The following EIF4EBP1 variants were observed in gnomAD, a reference collection of about 807,000 sequenced individuals.
EIF4EBP1 encodes eukaryotic translation initiation factor 4E binding protein 1, also known as eukaryotic translation initiation factor 4E-binding protein 1.
A neutral mutation model predicts 9.2 loss-of-function variants in EIF4EBP1; 5 were observed. The ratio of observed to expected loss-of-function variants is 0.54; its 90% CI spans 0.28 to 1.14. EIF4EBP1 has a LOEUF of 1.14. EIF4EBP1 is among the 50% of genes most tolerant of loss of function. EIF4EBP1 has a pLI of 0.09. For synonymous variants in EIF4EBP1, 62 were observed against 67.0 expected (o/e 0.93, Z 0.36); for missense variants, 139 against 169.6 (o/e 0.82, Z 1.00).
At position 38,030,669 on chromosome 8, in the gene EIF4EBP1, G is replaced by C; in HGVS notation, c.96G>C (p.Gly32=). 6.7e-7 allele frequency: 1 copy of C among 1,499,928 alleles called. No individual in the cohort carries two copies. Among genetic ancestry groups the C allele is most frequent in the South Asian group, 1.2e-5 (1 of 80,230 alleles). The allele number at this position is 1,499,928 out of a possible 1,614,324, so 92.9% of individuals were successfully genotyped here. A position where few individuals can be genotyped will look rare whatever the true frequency, so the allele number is the denominator to read the frequency against. ...VLGDGVQLPP[G]DYSTTPGGTL... is the part of the protein sequence containing the mutation. The stretch of plus-strand genomic sequence containing the variant: ...GCGACGGCGTGCAGCTCCCGCCCGG[G>C]GACTACAGCACGACCCCCGGCGGCA... Residue 32 remains glycine (G), a synonymous_variant, in exon 1 of 3, where the codon GGG becomes GGC. Transcript: ENST00000338825.
chr8:38,052,621 G>A (rs989786943), intron 1 of EIF4EBP1, among the ~76,000 whole-genome samples: 3 of 151,900 alleles, frequency 2.0e-5, no homozygotes, highest in African/African-American at 7.3e-5. Context: ...GGAGGCTGAG[G>A]CAAGGAGAAT....
intron 1 of EIF4EBP1, among the ~76,000 whole-genome samples, chr8:38,034,237 A>C (rs568586501): frequency 5.8e-4 from 88 of 151,824 alleles, no homozygotes; most frequent in African/African-American, 2.1e-3. Context: ...TTGTAGAGGC[A>C]GGGTCTCTAT....
chr8:38,046,700 A>G (rs779184485), intron 1 of EIF4EBP1, among the ~76,000 whole-genome samples: 1 of 152,128 alleles, frequency 6.6e-6, no homozygotes, highest in Non-Finnish European at 1.5e-5. Flanking sequence ...CATCATCATC[A>G]TTGTCGTCGC....
intron 1 of EIF4EBP1, among the ~76,000 whole-genome samples, chr8:38,044,295 G>T (rs1026268171): frequency 1.3e-5 from 2 of 152,186 alleles, no homozygotes; most frequent in African/African-American, 2.4e-5. Context: ...CTATCCAGCC[G>T]CAGAGTATGG....
At chr8:38,034,806 G>C (rs1809276406) in intron 1 of EIF4EBP1, among the ~76,000 whole-genome samples, 1 of 152,220 alleles carries the variant, frequency 6.6e-6, no homozygotes, top group Non-Finnish European at 1.5e-5. Flanking sequence ...GGGGATGTAG[G>C]CTGGGCACCA....
At chr8:38,052,170 C>T (rs762342302) in intron 1 of EIF4EBP1, among the ~76,000 whole-genome samples, 3 of 152,204 alleles carry the variant, frequency 2.0e-5, no homozygotes, top group Non-Finnish European at 4.4e-5. Context: ...ATCCCACCCA[C>T]TCGTGTTTCC....
intron 1 of EIF4EBP1, among the ~76,000 whole-genome samples, chr8:38,037,357 C>T (rs1461160001): frequency 6.6e-6 from 1 of 152,084 alleles, no homozygotes; most frequent in Non-Finnish European, 1.5e-5. Context: ...TGCTCTGTCG[C>T]CCAGGCTGGA....
chr8:38,055,487 C>G (rs1043436791), intron 1 of EIF4EBP1, among the ~76,000 whole-genome samples: 1 of 152,054 alleles, frequency 6.6e-6, no homozygotes, highest in African/African-American at 2.4e-5. Context: ...TTGGGTTATT[C>G]ATATTTTATC....
intron 2 of EIF4EBP1, among the ~76,000 whole-genome samples, chr8:38,058,517 T>G (rs1809627197): frequency 6.6e-6 from 1 of 152,188 alleles, no homozygotes; most frequent in Non-Finnish European, 1.5e-5. Context: ...GGGATTAAGT[T>G]TCTGTATGAA....
At chr8:38,034,476 A>G (rs1809272978) in intron 1 of EIF4EBP1, among the ~76,000 whole-genome samples, 1 of 152,212 alleles carries the variant, frequency 6.6e-6, no homozygotes, top group African/African-American at 2.4e-5. Context: ...GAGTCTGTGG[A>G]GTCTTAAAAA....
In EIF4EBP1 at chr8:38,054,308, G is replaced by A. The variant is rs895608935; in HGVS notation, c.146-2773G>A. Among the ~76,000 whole-genome samples the A allele has an allele frequency of 3.3e-5, 5 of 152,224 alleles. 1 individual carries two copies. Among genetic ancestry groups the A allele is most frequent in the South Asian group, 2.1e-4 (1 of 4,824 alleles). On this transcript the variant is annotated intron_variant, in intron 1 of 2. Transcript: ENST00000338825. Reference sequence around the variant, plus strand: ...CTACCAAAAAATACAAAAATTAGCCGGGCGTGATAGCACATGCCTGTTGTC... The same window carrying A: ...CTACCAAAAAATACAAAAATTAGCCAGGCGTGATAGCACATGCCTGTTGTC...
chr8:38,036,810 G>A (rs187270125), intron 1 of EIF4EBP1, among the ~76,000 whole-genome samples: 98 of 151,822 alleles, frequency 6.5e-4, no homozygotes, highest in African/African-American at 2.2e-3. Context: ...CACCACAACC[G>A]GCTAATTTTT....
chr8:38,042,186 T>C (rs561146561), intron 1 of EIF4EBP1, among the ~76,000 whole-genome samples: 3 of 152,258 alleles, frequency 2.0e-5, no homozygotes, highest in South Asian at 4.1e-4. Flanking sequence ...TACCCAGCAC[T>C]ACCATGTGAA....
At chr8:38,030,845 G>A in intron 1 of EIF4EBP1, 127 bp downstream of exon 1, 1 of 1,309,500 alleles carries the variant, frequency 7.6e-7, no homozygotes, top group Non-Finnish European at 9.8e-7. Flanking sequence ...AGGGGCATCG[G>A]AGAGACAGCG....
At chr8:38,031,499 A>C (rs1031393355) in intron 1 of EIF4EBP1, among the ~76,000 whole-genome samples, 1 of 152,080 alleles carries the variant, frequency 6.6e-6, no homozygotes, top group African/African-American at 2.4e-5. Context: ...ACGCTGATGA[A>C]ACCTACGCGC....
At chr8:38,059,365 C>A (rs1423924439) in intron 2 of EIF4EBP1, among the ~76,000 whole-genome samples, 2 of 152,210 alleles carry the variant, frequency 1.3e-5, no homozygotes, top group African/African-American at 4.8e-5. Context: ...GCTTTGCTTT[C>A]CACCATGACG....
intron 1 of EIF4EBP1, among the ~76,000 whole-genome samples, chr8:38,051,693 G>A (rs567919813): frequency 6.6e-6 from 1 of 152,190 alleles, no homozygotes; most frequent in South Asian, 2.1e-4. Flanking sequence ...CCGCCTCCCA[G>A]GTTCAAGTGA....
At position 38,045,052 on chromosome 8, in the gene EIF4EBP1, G is replaced by A. The variant is rs994185922; in HGVS notation, c.146-12029G>A. Among the ~76,000 whole-genome samples the A allele has an allele frequency of 4.6e-5, 7 of 152,130 alleles. No individual in the cohort carries two copies. In the East Asian group the frequency reaches 7.7e-4, roughly 17 times the overall value. ...GCTTGTGACATCTTTCTTTGGTTGC[G>A]TATGTTCTCCCAAGTGATTTTCTCT... On this transcript the variant is annotated intron_variant, in intron 1 of 2. Coordinates refer to ENST00000338825, the MANE Select transcript of EIF4EBP1 (RefSeq NM_004095.4).
chr8:38,044,494 A>G (rs1311627971), intron 1 of EIF4EBP1, among the ~76,000 whole-genome samples: 1 of 152,182 alleles, frequency 6.6e-6, no homozygotes, highest in Non-Finnish European at 1.5e-5. Context: ...GCTAGAGTAC[A>G]GTAGCATGAT....
Sources: gnomAD v4.1 joint callset for allele counts (sites outside exome capture counted in the v4.1 genomes callset) on GRCh38, gnomAD v4.1.1 for gene constraint, MANE v1.5 for transcripts, NCBI Gene and HGNC (gene_info 2026-07-23, HGNC 2026-07-21) for gene names.